PPT1: variants seen among roughly 807,000 people sequenced by gnomAD.
PPT1 encodes palmitoyl-protein thioesterase 1.
PPT1 carries 24 observed loss-of-function variants against 44.0 expected under a neutral mutation model. The observed-to-expected ratio is 0.54, with a 90% confidence interval of 0.39 to 0.77. The LOEUF (loss-of-function observed/expected upper bound fraction) is 0.77, where lower values mean the gene tolerates loss of function less well. Among genes scored for constraint, PPT1 ranks in the 30% least tolerant of loss-of-function variants. The pLI is 0.00. For synonymous variants in PPT1, 148 were observed against 140.2 expected (o/e 1.06, Z -0.39); for missense variants, 341 against 378.8 (o/e 0.90, Z 0.83).
chr1:40,074,027 G>A lies in PPT1; in HGVS notation c.*34C>T, dbSNP rs763337954. 1.5e-5 allele frequency: 25 copies of A among 1,613,586 alleles called. 1 individual carries two copies. In the South Asian group the frequency reaches 2.7e-4, roughly 18 times the overall value. ...TCCCATGTGGTTTGGAAGAGTTAGG[G>A]GCTCCCTGAGCTCTATTGTGAACTA... On this transcript the variant is annotated 3_prime_UTR_variant, in exon 9 of 9. Transcript: ENST00000642050.
intron 1 of PPT1, among the ~76,000 whole-genome samples, chr1:40,092,749 A>G (rs569380458): frequency 1.3e-5 from 2 of 152,366 alleles, no homozygotes; most frequent in East Asian, 3.9e-4. Flanking sequence ...AATTAAACAG[A>G]TATTTTTCCA....
intron 1 of PPT1, among the ~76,000 whole-genome samples, chr1:40,094,670 T>C (rs1394847077): frequency 6.6e-6 from 1 of 152,194 alleles, no homozygotes; most frequent in Non-Finnish European, 1.5e-5. Context: ...GGCTACTGAG[T>C]AGAAGTGGAC....
intron 4 of PPT1, among the ~76,000 whole-genome samples, chr1:40,090,490 G>GTATA (rs546285500): frequency 6.6e-5 from 10 of 151,590 alleles, no homozygotes; most frequent in Non-Finnish European, 1.3e-4. Context: ...ATGTGTGTGT[G>GTATA]TATATATATA....
Position 40,073,768 on chromosome 1 carries a change from G to T in PPT1, c.*293C>A. On this transcript the variant is annotated 3_prime_UTR_variant, in exon 9 of 9. Transcript: ENST00000642050. ...GTTGTCTCCTTTGGGCCTGGGCACAGTTCTGGCACTGATCTGGAACAGACT... is the reference window on the plus strand; with the variant it reads ...GTTGTCTCCTTTGGGCCTGGGCACATTTCTGGCACTGATCTGGAACAGACT... 1 of 422,108 alleles carries T rather than the reference G, an allele frequency of 2.4e-6. No homozygotes were observed. The highest frequency in any genetic ancestry group is 2.1e-5 in the South Asian group (1 of 46,726). 26.1% of individuals were successfully genotyped at this position (422,108 alleles called of 1,614,324 possible).
chr1:40,076,809 C>G (rs1260382457), intron 8 of PPT1, 33 bp downstream of exon 8: 2 of 1,613,842 alleles, frequency 1.2e-6, no homozygotes, highest in Non-Finnish European at 1.7e-6. Context: ...TGAAAAAACA[C>G]CAACCTCCCA....
chr1:40,076,774 C>T, intron 8 of PPT1, 68 bp downstream of exon 8: 2 of 1,611,422 alleles, frequency 1.2e-6, no homozygotes, highest in Non-Finnish European at 1.7e-6. Context: ...CACCAAAGAA[C>T]ATAGCAGCTT....
intron 5 of PPT1, among the ~76,000 whole-genome samples, chr1:40,082,773 T>C (rs1417140962): frequency 6.6e-6 from 1 of 152,238 alleles, no homozygotes; most frequent in Non-Finnish European, 1.5e-5. Flanking sequence ...CCAGGAGATC[T>C]AGCTAAGATA....
chr1:40,080,346 C>CTGT, intron 6 of PPT1, 51 bp downstream of exon 6: 1 of 1,540,034 alleles, frequency 6.5e-7, no homozygotes, highest in Middle Eastern at 1.7e-4. Context: ...TTATGAAGAC[C>CTGT]TAAACAGGAA....
intron 7 of PPT1, among the ~76,000 whole-genome samples, chr1:40,077,795 T>C (rs2124471359): frequency 6.6e-6 from 1 of 152,060 alleles, no homozygotes; most frequent in East Asian, 1.9e-4. Flanking sequence ...GACAGAAATA[T>C]ATGAACCAAG....
Position 40,097,214 on chromosome 1 carries a change from G to A in PPT1, c.25C>T (p.Leu9Phe). ...CATGGCAGGAGAGCCACAGCCAAGA[G>A]CCACAGGCAGCCGGGCGACGCCATC... is the stretch of plus-strand genomic sequence containing the variant. MASPGCLW[L>F]LAVALLPWTC... Residue 9 changes from leucine (L) to phenylalanine (F), a missense_variant, in exon 1 of 9, where the codon CTC (leucine) becomes TTC (phenylalanine). Physicochemically the swap from Leu to Phe is conservative, Grantham distance 22. Transcript: ENST00000642050. The A allele has an allele frequency of 6.2e-7, 1 of 1,614,008 alleles. No homozygotes were observed. Among genetic ancestry groups the A allele is most frequent in the Non-Finnish European group, 8.5e-7 (1 of 1,179,924 alleles).
rs1570452702 is a variant in PPT1 at position 40,076,778 on chromosome 1, G to C, written c.798+64C>G. The C allele has an allele frequency of 2.5e-6, 4 of 1,611,862 alleles. No individual in the cohort carries two copies. In the East Asian group the frequency reaches 6.7e-5, roughly 27 times the overall value. On this transcript the variant is annotated intron_variant, in intron 8 of 8. Coordinates refer to ENST00000642050, the MANE Select transcript of PPT1 (RefSeq NM_000310.4). ...AAGGGCTCCAGCACCAAAGAACATAGCAGCTTCAGGAACTGGGAGCTGAAA... is the reference window on the plus strand; with the variant it reads ...AAGGGCTCCAGCACCAAAGAACATACCAGCTTCAGGAACTGGGAGCTGAAA...
At chr1:40,095,148 T>G (rs1649781523) in intron 1 of PPT1, among the ~76,000 whole-genome samples, 1 of 152,230 alleles carries the variant, frequency 6.6e-6, no homozygotes, top group Non-Finnish European at 1.5e-5. Flanking sequence ...ATACAGTTGA[T>G]CATGACCTAT....
At chr1:40,080,351 C>T (rs375800479) in intron 6 of PPT1, 46 bp downstream of exon 6, 1 of 1,560,538 alleles carries the variant, frequency 6.4e-7, no homozygotes, top group South Asian at 1.1e-5. Context: ...AAGACCTAAA[C>T]AGGAAAAAGA....
At chr1:40,079,886 G>A (rs977735161) in intron 6 of PPT1, among the ~76,000 whole-genome samples, 4 of 152,074 alleles carry the variant, frequency 2.6e-5, no homozygotes, top group Admixed American at 1.3e-4. Flanking sequence ...ATTCTGTGTT[G>A]TTTTTTGTTT....
chr1:40,081,767 A>G (rs1451747454), intron 5 of PPT1, among the ~76,000 whole-genome samples: 2 of 152,130 alleles, frequency 1.3e-5, no homozygotes, highest in East Asian at 3.9e-4. Flanking sequence ...AATACAGTAA[A>G]TAAGTACCAG....
intron 1 of PPT1, among the ~76,000 whole-genome samples, chr1:40,096,168 C>G (rs572431024): frequency 3.3e-5 from 5 of 152,082 alleles, no homozygotes; most frequent in Admixed American, 6.5e-5. Context: ...GAATTCTTTC[C>G]CAACTTTGCT....
chr1:40,088,143 CTTT>C (rs869306144), intron 5 of PPT1, among the ~76,000 whole-genome samples: 2 of 139,680 alleles, frequency 1.4e-5, no homozygotes, highest in African/African-American at 2.6e-5. Context: ...ACCATCAAAA[CTTT>C]TTTTTTTTTT....
chr1:40,089,380 T>A, intron 5 of PPT1, 30 bp downstream of exon 5: 1 of 1,552,756 alleles, frequency 6.4e-7, no homozygotes, highest in Non-Finnish European at 8.9e-7. Flanking sequence ...CGGTGACAGG[T>A]CTGTAATCTT....
rs554920009 is a variant in PPT1, at chr1:40,091,242, T to C, written c.433+87A>G. ...TTTTGCAAGAATGGCTGATGTCTTGTGCAAATATAGTTCCTAGATTTTTTT... is the reference window on the plus strand; with the variant it reads ...TTTTGCAAGAATGGCTGATGTCTTGCGCAAATATAGTTCCTAGATTTTTTT... On this transcript the variant is annotated intron_variant, in intron 4 of 8. Transcript: ENST00000642050. 851 of 1,349,864 alleles carry C rather than the reference T, an allele frequency of 6.3e-4. 2 individuals are homozygous for C. The highest frequency in any genetic ancestry group is 7.9e-4 in the Non-Finnish European group (753 of 951,128). The allele number at this position is 1,349,864 out of a possible 1,614,324, so 83.6% of individuals were successfully genotyped here. A position where few individuals can be genotyped will look rare whatever the true frequency, so the allele number is the denominator to read the frequency against.
Sources: gnomAD v4.1 joint callset for allele counts (sites outside exome capture counted in the v4.1 genomes callset) on GRCh38, gnomAD v4.1.1 for gene constraint, MANE v1.5 for transcripts, NCBI Gene and HGNC (gene_info 2026-07-23, HGNC 2026-07-21) for gene names.